Variants in CACNA1G observed in about 807,000 individuals in gnomAD.
The protein encoded by CACNA1G is calcium voltage-gated channel subunit alpha1 G.
Under a neutral mutation model 219.4 loss-of-function variants are expected in CACNA1G, and 67 were observed. The observed-to-expected ratio is 0.31, with a 90% CI of 0.25 to 0.37. The LOEUF (loss-of-function observed/expected upper bound fraction) is 0.37, where lower values mean the gene tolerates loss of function less well. CACNA1G is among the 10% of genes least tolerant of loss of function. CACNA1G has a pLI of 1.00. For synonymous variants in CACNA1G, 1,296 were observed against 1,345.3 expected (o/e 0.96, Z 0.80); for missense variants, 2,380 against 3,231.4 (o/e 0.74, Z 6.39).
At chr17:50,625,511 A>G (rs1405513901) in intron 37 of CACNA1G, among the ~76,000 whole-genome samples, 2 of 152,168 alleles carry the variant, frequency 1.3e-5, no homozygotes, top group Non-Finnish European at 2.9e-5. Flanking sequence ...CCAGACACCT[A>G]TGTGTGGAGG....
rs1567808125 is a variant in CACNA1G at position 50,626,532 on chromosome 17, ACT to A, written c.6917_6918del (p.Leu2306GlnfsTer4). 3 of 1,569,902 alleles carry A rather than the reference ACT, an allele frequency of 1.9e-6. No homozygotes were observed. The highest frequency in any genetic ancestry group is 2.6e-6 in the Non-Finnish European group (3 of 1,160,348). On this transcript the variant is annotated frameshift_variant, in exon 38 of 38. Coordinates refer to ENST00000359106, the MANE Select transcript of CACNA1G (RefSeq NM_018896.5). LOFTEE classifies it high-confidence loss of function. The surrounding 1 kb of genome is among the most constrained non-coding windows in gnomAD (Gnocchi z 4.3). ...GGPGSRPKKK[L>X]SPPSITIDPP... is the part of the protein sequence containing the mutation. Reference sequence around the variant, plus strand: ...GGCCTGGGAGCCGGCCCAAGAAAAAACTCAGCCCGCCTAGTATCACCATAGAC... The same window carrying A: ...GGCCTGGGAGCCGGCCCAAGAAAAAACAGCCCGCCTAGTATCACCATAGAC...
rs373363575 is a variant in CACNA1G at position 50,605,919 on chromosome 17, G to A, written c.4318G>A (p.Val1440Met). 2.5e-6 allele frequency: 4 copies of A among 1,613,420 alleles called. No homozygotes were observed. Among genetic ancestry groups the A allele is most frequent in the Non-Finnish European group, 2.5e-6 (3 of 1,179,884 alleles). The change falls in exon 23 of 38, where the codon GTG becomes ATG. Residue 1440 changes from valine (V) to methionine (M), a missense_variant. By Grantham distance (21) the Val-to-Met change is conservative (BLOSUM62 1). Transcript: ENST00000359106. The part of the protein sequence containing the change: ...GVQLFKGKFF[V>M]CQGEDTRNIT... Reference sequence around the variant, plus strand: ...CCAGCTCTTCAAAGGGAAGTTTTTCGTGTGCCAGGGCGAGGATACCAGGAA... The same window carrying A: ...CCAGCTCTTCAAAGGGAAGTTTTTCATGTGCCAGGGCGAGGATACCAGGAA...
rs2039808150 is a variant in CACNA1G at position 50,573,080 on chromosome 17, C to T, written c.1107C>T (p.Phe369=). ...IMYFVMDAHS[F]YNFIYFILLI... is the part of the protein sequence containing the mutation. Reference sequence around the variant, plus strand: ...ACTTTGTGATGGATGCTCATTCCTTCTACAATTTCATCTACTTCATCCTCC... The same window carrying T: ...ACTTTGTGATGGATGCTCATTCCTTTTACAATTTCATCTACTTCATCCTCC... The change falls in exon 7 of 38, where the codon TTC becomes TTT. Residue 369 remains phenylalanine (F), a synonymous_variant. Coordinates refer to ENST00000359106, the MANE Select transcript of CACNA1G (RefSeq NM_018896.5). 6.3e-7 allele frequency: 1 copy of T among 1,576,444 alleles called. No individual in the cohort carries two copies. The highest frequency in any genetic ancestry group is 8.6e-7 in the Non-Finnish European group (1 of 1,159,934).
chr17:50,614,549 T>A (rs962141109), intron 26 of CACNA1G, among the ~76,000 whole-genome samples: 5 of 152,244 alleles, frequency 3.3e-5, no homozygotes, highest in African/African-American at 1.2e-4. Flanking sequence ...ACCTTCTGGC[T>A]CTGTGATTTT....
chr17:50,566,354 G>A (rs2240219), intron 1 of CACNA1G, among the ~76,000 whole-genome samples: 59,556 of 151,468 alleles, frequency 0.39, 13,446 homozygotes, highest in East Asian at 0.89. Context: ...CCAAATTGTC[G>A]TGTGCCTTGG....
At position 50,578,836 on chromosome 17, in the gene CACNA1G, G is replaced by A. The variant is rs2041278937; in HGVS notation, c.2301+272G>A. On this transcript the variant is annotated intron_variant, in intron 9 of 37. Coordinates refer to ENST00000359106, the MANE Select transcript of CACNA1G (RefSeq NM_018896.5). The surrounding 1 kb of genome is among the most constrained non-coding windows in gnomAD (Gnocchi z 4.5). The stretch of plus-strand genomic sequence containing the variant: ...TGCTCAGAGGAGGCTGGCTTTGAAG[G>A]ATGTGAACAAGTGGTGAGCATCAGC... Among the ~76,000 whole-genome samples the A allele has an allele frequency of 1.3e-5, 2 of 152,190 alleles. No individual in the cohort carries two copies. The highest frequency in any genetic ancestry group is 6.5e-5 in the Admixed American group (1 of 15,280).
At chr17:50,579,328 G>A (rs529192919) in intron 9 of CACNA1G, among the ~76,000 whole-genome samples, 1 of 152,254 alleles carries the variant, frequency 6.6e-6, no homozygotes, top group South Asian at 2.1e-4. Flanking sequence ...CAAGCAATAG[G>A]ATCTGGGCTG....
At chr17:50,575,423 A>T in intron 7 of CACNA1G, 120 bp from the exon 8 acceptor site, 1 of 1,035,810 alleles carries the variant, frequency 9.7e-7, no homozygotes, top group Non-Finnish European at 1.4e-6. Context: ...AAAATGAGAT[A>T]ATGCTTGGAA....
chr17:50,585,023 G>T (rs2042728890), intron 9 of CACNA1G, among the ~76,000 whole-genome samples: 1 of 152,172 alleles, frequency 6.6e-6, no homozygotes, highest in African/African-American at 2.4e-5. Flanking sequence ...CTGGGGCTGG[G>T]CAGGGCAGGA....
intron 9 of CACNA1G, among the ~76,000 whole-genome samples, chr17:50,582,093 G>A (rs1185409173): frequency 6.6e-6 from 1 of 152,234 alleles, no homozygotes; most frequent in Non-Finnish European, 1.5e-5. Flanking sequence ...CTGGGCCCAA[G>A]GCACTGTCCT....
chr17:50,600,749 G>A lies in CACNA1G; in HGVS notation c.3714G>A (p.Ala1238=), dbSNP rs755158469. Residue 1238 remains alanine (A), a synonymous_variant, in exon 18 of 38, where the codon GCG becomes GCA. Transcript: ENST00000359106. The surrounding 1 kb of genome is among the most constrained non-coding windows in gnomAD (Gnocchi z 4.1). ...GNLSKGERVR[A]WIRARLPACC... ...AGAGCAAAGGGGAACGGGTCCGCGC[G>A]TGGATCCGAGCCCGACTCCCTGCCT... 2.0e-5 allele frequency: 32 copies of A among 1,613,680 alleles called. No homozygotes were observed. Among genetic ancestry groups the A allele is most frequent in the Middle Eastern group, 1.6e-4 (1 of 6,084 alleles).
In CACNA1G at chr17:50,603,557, ACT is replaced by A. The variant is rs1427425820; in HGVS notation, c.4169+360_4169+361del. Among the ~76,000 whole-genome samples the A allele has an allele frequency of 6.6e-6, 1 of 151,718 alleles. No homozygotes were observed. The highest frequency in any genetic ancestry group is 1.5e-5 in the Non-Finnish European group (1 of 67,934). On this transcript the variant is annotated intron_variant, in intron 21 of 37. Coordinates refer to ENST00000359106, the MANE Select transcript of CACNA1G (RefSeq NM_018896.5). The surrounding 1 kb of genome is among the most constrained non-coding windows in gnomAD (Gnocchi z 6.4). ...CCCTTGTGTGGCCTCTAGGGGTGAC[ACT>A]CAGCCCCTCCCCGTGAGGTGACAGG... is the stretch of plus-strand genomic sequence containing the variant.
At position 50,581,269 on chromosome 17, in the gene CACNA1G, G is replaced by A. The variant is rs114838547; in HGVS notation, c.2301+2705G>A. ...GAGACCGAGTCCCAGATGCAAATGA[G>A]GGCAGAGACGGGGTGGGATGGGGAG... On this transcript the variant is annotated intron_variant, in intron 9 of 37. Coordinates refer to ENST00000359106, the MANE Select transcript of CACNA1G (RefSeq NM_018896.5). 1.6e-3 allele frequency among the ~76,000 whole-genome samples: 236 copies of A among 151,962 alleles called. 2 individuals are homozygous for A. Among genetic ancestry groups the A allele is most frequent in the African/African-American group, 5.5e-3 (229 of 41,428 alleles).
Position 50,590,569 on chromosome 17 carries a change from T to C in CACNA1G, c.2400T>C (p.Phe800=), listed in dbSNP as rs780231510. The part of the protein sequence containing the change: ...MLLKLLVYGP[F]GYIKNPYNIF... ...TGAAGCTGCTTGTGTATGGTCCCTT[T>C]GGCTACATCAAGAATCCCTACAACA... Residue 800 remains phenylalanine, a synonymous_variant, in exon 10 of 38, where the codon TTT becomes TTC. Coordinates refer to ENST00000359106, the MANE Select transcript of CACNA1G (RefSeq NM_018896.5). 1.2e-6 allele frequency: 2 copies of C among 1,613,974 alleles called. No individual in the cohort carries two copies. The highest frequency in any genetic ancestry group is 1.1e-5 in the South Asian group (1 of 91,080).
At chr17:50,624,577 T>C in intron 37 of CACNA1G, 48 bp downstream of exon 37, 1 of 1,478,936 alleles carries the variant, frequency 6.8e-7, no homozygotes, top group Non-Finnish European at 9.1e-7. Flanking sequence ...CTGGACCCTC[T>C]GCTGCTGGTG....
Position 50,626,697 on chromosome 17 carries a change from A to C in CACNA1G, c.7080A>C (p.Lys2360Asn), listed in dbSNP as rs59256133. Residue 2360 changes from lysine (K) to asparagine (N), a missense_variant, in exon 38 of 38, where the codon AAA becomes AAC. Around this residue, in one of 17 missense-constraint regions of CACNA1G, gnomAD observed 672 missense variants for 670.5 expected, o/e 1.00. Transcript: ENST00000359106. The surrounding 1 kb of genome is among the most constrained non-coding windows in gnomAD (Gnocchi z 4.3). Reference sequence around the variant, plus strand: ...TGGCTGCCTCGCCCTCCCCAAAGAAAGATGTGCTGAGTCTCTCCGGTTTAT... The same window carrying C: ...TGGCTGCCTCGCCCTCCCCAAAGAACGATGTGCTGAGTCTCTCCGGTTTAT... The part of the protein sequence containing the change: ...DSMAASPSPK[K>N]DVLSLSGLSS... 3.6e-5 allele frequency: 58 copies of C among 1,613,096 alleles called. No homozygotes were observed. Among genetic ancestry groups the C allele is most frequent in the Non-Finnish European group, 4.3e-5 (51 of 1,179,874 alleles).
chr17:50,624,955 C>CTTTT (rs3986415), intron 37 of CACNA1G, among the ~76,000 whole-genome samples: 204 of 117,426 alleles, frequency 1.7e-3, no homozygotes, highest in African/African-American at 2.5e-3. Flanking sequence ...AGCCCAGATT[C>CTTTT]TTTTTTTTTT....
intron 1 of CACNA1G, among the ~76,000 whole-genome samples, chr17:50,565,662 A>T (rs1263554079): frequency 6.6e-6 from 1 of 152,084 alleles, no homozygotes. Flanking sequence ...TTCTCAGCCC[A>T]TGCCCAGAGC....
In CACNA1G at chr17:50,575,914, C is replaced by A; in HGVS notation, c.1512C>A (p.His504Gln). The part of the protein sequence containing the change: ...LVHHHHHHHH[H>Q]YHLGNGTLRA... Reference sequence around the variant, plus strand: ...ACCACCACCACCACCATCACCACCACTACCACCTGGGCAATGGGACGCTCA... The same window carrying A: ...ACCACCACCACCACCATCACCACCAATACCACCTGGGCAATGGGACGCTCA... Residue 504 changes from histidine (H) to glutamine (Q), a missense_variant, in exon 8 of 38, where the codon CAC becomes CAA. Transcript: ENST00000359106. 6.4e-7 allele frequency: 1 copy of A among 1,558,512 alleles called. No individual in the cohort carries two copies. Among genetic ancestry groups the A allele is most frequent in the East Asian group, 2.4e-5 (1 of 41,746 alleles).
Sources: allele counts gnomAD v4.1 joint callset (sites outside exome capture counted in the v4.1 genomes callset), GRCh38; gene constraint gnomAD v4.1.1; regional missense constraint gnomAD v4.1.1; non-coding constraint Gnocchi (gnomAD v3.1); transcripts MANE v1.5; gene names NCBI Gene and HGNC (gene_info 2026-07-23, HGNC 2026-07-21).